The following CDH18 variants were observed in gnomAD, a reference collection of about 807,000 sequenced individuals.
CDH18 encodes the protein cadherin-18.
CDH18 carries 31 observed loss-of-function variants against 67.9 expected under a neutral mutation model. That is an observed-to-expected ratio of 0.46 (90% confidence interval 0.34 to 0.62). The LOEUF (loss-of-function observed/expected upper bound fraction) is 0.62. Among genes scored for constraint, CDH18 ranks in the 20% least tolerant of loss-of-function variants. The probability of loss-of-function intolerance (pLI) is 0.01; values close to 1 mark genes in which losing one functional copy is unlikely to be tolerated. For missense variants in CDH18, 890 were observed against 975.5 expected (o/e 0.91, Z 1.17); for synonymous variants, 362 against 347.2 (o/e 1.04, Z -0.48).
chr5:19,889,406 T>A (rs940925970), intron 2 of CDH18, among the ~76,000 whole-genome samples: 6 of 152,124 alleles, frequency 3.9e-5, no homozygotes, highest in African/African-American at 1.4e-4. Context: ...ACCATGTGTT[T>A]CAGAAATAAG....
chr5:19,515,794 A>G (rs193291229), intron 10 of CDH18, among the ~76,000 whole-genome samples: 80 of 152,296 alleles, frequency 5.3e-4, no homozygotes, highest in African/African-American at 1.8e-3. Context: ...TGTCATCTGC[A>G]AACAGGGACA....
At chr5:19,693,947 G>T (rs1051151945) in intron 5 of CDH18, among the ~76,000 whole-genome samples, 1 of 150,882 alleles carries the variant, frequency 6.6e-6, no homozygotes, top group East Asian at 2.0e-4. Flanking sequence ...TAATATTAAG[G>T]GGACTTGAAG....
intron 2 of CDH18, among the ~76,000 whole-genome samples, chr5:20,121,064 C>T (rs1294442619): frequency 1.3e-5 from 2 of 152,088 alleles, no homozygotes; most frequent in African/African-American, 4.8e-5. Flanking sequence ...AATACTTTCC[C>T]ATCACTGCCA....
chr5:19,914,270 G>A (rs940175526), intron 2 of CDH18, among the ~76,000 whole-genome samples: 4 of 151,946 alleles, frequency 2.6e-5, no homozygotes, highest in South Asian at 2.1e-4. Context: ...AGACCATTCC[G>A]TTATATGCAT....
At chr5:20,335,067 C>T (rs2150033275) in intron 1 of CDH18, among the ~76,000 whole-genome samples, 1 of 152,238 alleles carries the variant, frequency 6.6e-6, no homozygotes, top group East Asian at 1.9e-4. Flanking sequence ...CAGAATGAAC[C>T]TCATTCAAAC....
rs370602926 is a variant in CDH18, at chr5:19,774,499, C to A, written c.229-27263G>T. The stretch of plus-strand genomic sequence containing the variant: ...ATACTGATATTAGGTAGAAATGGAG[C>A]CCTCATGAATGGGATAAGCACGCTT... On this transcript the variant is annotated intron_variant, in intron 3 of 12. Coordinates refer to ENST00000382275, the MANE Select transcript of CDH18 (RefSeq NM_004934.5). Among the ~76,000 whole-genome samples, 93 of 149,720 alleles carry A rather than the reference C, an allele frequency of 6.2e-4. 1 individual carries two copies. The highest frequency in any genetic ancestry group is 2.2e-3 in the African/African-American group (91 of 40,996).
At position 20,440,098 on chromosome 5, in the gene CDH18, G is replaced by C. The variant is rs546629142; in HGVS notation, c.-580+135364C>G. ...AAATGAGTAAATCATCCATATGCAA[G>C]TTCTGGAATTCAAGTATTCATTCCT... On this transcript the variant is annotated intron_variant, in intron 1 of 14. Transcript: ENST00000507958. Among the ~76,000 whole-genome samples, 8 of 151,780 alleles carry C rather than the reference G, an allele frequency of 5.3e-5. No individual in the cohort carries two copies. In the South Asian group the frequency reaches 1.5e-3, roughly 28 times the overall value.
chr5:20,188,195 T>C (rs761131285), intron 2 of CDH18, among the ~76,000 whole-genome samples: 5 of 152,008 alleles, frequency 3.3e-5, no homozygotes, highest in African/African-American at 7.2e-5. Flanking sequence ...AATTAAATAA[T>C]GTAATTATTT....
chr5:19,652,922 A>G (rs1755785468), intron 5 of CDH18, among the ~76,000 whole-genome samples: 1 of 152,122 alleles, frequency 6.6e-6, no homozygotes, highest in Non-Finnish European at 1.5e-5. Flanking sequence ...AAATGGCTTC[A>G]TATTGGAGGG....
chr5:19,644,805 T>C (rs548456092), intron 5 of CDH18, among the ~76,000 whole-genome samples: 6 of 152,122 alleles, frequency 3.9e-5, no homozygotes, highest in Non-Finnish European at 8.8e-5. Flanking sequence ...CAACTTCTGA[T>C]GTGGGCAAAG....
intron 1 of CDH18, among the ~76,000 whole-genome samples, chr5:20,377,870 T>C (rs1188758406): frequency 6.6e-6 from 1 of 152,184 alleles, no homozygotes; most frequent in Non-Finnish European, 1.5e-5. Context: ...AGTTGACTAG[T>C]ATTAACATTC....
At chr5:20,379,556 T>A (rs1194649929) in intron 1 of CDH18, among the ~76,000 whole-genome samples, 1 of 152,156 alleles carries the variant, frequency 6.6e-6, no homozygotes, top group African/African-American at 2.4e-5. Flanking sequence ...TATACTCAGT[T>A]AATTATATCT....
intron 2 of CDH18, among the ~76,000 whole-genome samples, chr5:20,009,191 C>T (rs1338395763): frequency 8.6e-5 from 13 of 151,910 alleles, no homozygotes; most frequent in Admixed American, 7.9e-4. Flanking sequence ...CAAGGAAAGC[C>T]GATGGGAGAA....
chr5:20,029,681 CTTA>C (rs992932080), intron 2 of CDH18, among the ~76,000 whole-genome samples: 4 of 152,122 alleles, frequency 2.6e-5, no homozygotes, highest in African/African-American at 9.7e-5. Flanking sequence ...ATTTTAAAGT[CTTA>C]TTATTTGCAG....
At chr5:20,321,815 G>T (rs1294203845) in intron 1 of CDH18, among the ~76,000 whole-genome samples, 2 of 152,008 alleles carry the variant, frequency 1.3e-5, no homozygotes, top group African/African-American at 4.8e-5. Flanking sequence ...ATCATTACTA[G>T]AAACTTTTAA....
At chr5:20,477,052 TAC>T (rs1338040919) in intron 1 of CDH18, among the ~76,000 whole-genome samples, 1 of 152,188 alleles carries the variant, frequency 6.6e-6, no homozygotes, top group African/African-American at 2.4e-5. Context: ...ATTTTTCTCT[TAC>T]AGTGTTCTGT....
chr5:20,451,474 C>T (rs1750447862), intron 1 of CDH18, among the ~76,000 whole-genome samples: 1 of 152,064 alleles, frequency 6.6e-6, no homozygotes, highest in South Asian at 2.1e-4. Context: ...AAGTAAGTCT[C>T]TTTGGGAATC....
At chr5:19,762,552 C>T (rs1054397322) in intron 3 of CDH18, among the ~76,000 whole-genome samples, 1 of 152,018 alleles carries the variant, frequency 6.6e-6, no homozygotes, top group Non-Finnish European at 1.5e-5. Flanking sequence ...GGTTTTGATA[C>T]CACTCACACC....
intron 1 of CDH18, among the ~76,000 whole-genome samples, chr5:20,384,720 C>G (rs1744178420): frequency 6.6e-6 from 1 of 152,130 alleles, no homozygotes; most frequent in Non-Finnish European, 1.5e-5. Flanking sequence ...CACAGAATTC[C>G]AATTTCTCTG....
Sources: allele counts gnomAD v4.1 joint callset (sites outside exome capture counted in the v4.1 genomes callset), GRCh38; gene constraint gnomAD v4.1.1; transcripts MANE v1.5; gene names NCBI Gene and HGNC (gene_info 2026-07-23, HGNC 2026-07-21).